The following STK32B variants were observed in gnomAD, a reference collection of about 807,000 sequenced individuals.
STK32B encodes the protein serine/threonine kinase 32B, also known as serine/threonine-protein kinase 32B.
A neutral mutation model predicts 52.6 loss-of-function variants in STK32B; 43 were observed. That is an observed-to-expected ratio of 0.82 (90% CI 0.64 to 1.05). The LOEUF is 1.05. Among genes scored for constraint, STK32B ranks in the 50% least tolerant of loss-of-function variants. STK32B has a pLI of 0.00. For synonymous variants in STK32B, 238 were observed against 204.3 expected, an observed-to-expected ratio of 1.17 and a Z score of -1.41; for missense variants, 621 against 534.6, an observed-to-expected ratio of 1.16 and a Z score of -1.59.
At chr4:5,274,060 T>C (rs1727634750) in intron 3 of STK32B, among the ~76,000 whole-genome samples, 1 of 152,160 alleles carries the variant, frequency 6.6e-6, no homozygotes, top group African/African-American at 2.4e-5. Flanking sequence ...GTCAGTTCTT[T>C]GCAAATTTAT....
chr4:5,267,919 G>A (rs1326625926), intron 3 of STK32B, among the ~76,000 whole-genome samples: 4 of 152,204 alleles, frequency 2.6e-5, no homozygotes, highest in Admixed American at 2.6e-4. Context: ...TTGGGGGATA[G>A]AGAGTAGGGA....
At chr4:5,211,302 A>G (rs1395741210) in intron 3 of STK32B, among the ~76,000 whole-genome samples, 1 of 152,182 alleles carries the variant, frequency 6.6e-6, no homozygotes, top group East Asian at 1.9e-4. Context: ...TAAGAAGACA[A>G]GGCCTTCCTG....
intron 1 of STK32B, among the ~76,000 whole-genome samples, chr4:5,077,628 G>T (rs1560139600): frequency 6.6e-6 from 1 of 152,054 alleles, no homozygotes; most frequent in Non-Finnish European, 1.5e-5. Context: ...AAGGTTAGAT[G>T]CTCAAAATAC....
At chr4:5,339,732 C>G (rs1732950788) in intron 4 of STK32B, among the ~76,000 whole-genome samples, 1 of 152,190 alleles carries the variant, frequency 6.6e-6, no homozygotes, top group African/African-American at 2.4e-5. Flanking sequence ...GGCTACTAAA[C>G]TCTGCTCAAC....
chr4:5,491,258 T>C (rs1719706948), intron 11 of STK32B, among the ~76,000 whole-genome samples: 2 of 152,226 alleles, frequency 1.3e-5, no homozygotes, highest in African/African-American at 4.8e-5. Flanking sequence ...TTTTTAATGA[T>C]TGCCATTCTA....
intron 4 of STK32B, among the ~76,000 whole-genome samples, chr4:5,365,686 A>G (rs950606571): frequency 2.6e-5 from 4 of 152,214 alleles, no homozygotes; most frequent in African/African-American, 9.6e-5. Flanking sequence ...AGCAGGTGGC[A>G]TTCTCAACAT....
chr4:5,184,695 A>AAAAAAAAAAAGAAGAAG (rs58321341), intron 3 of STK32B, among the ~76,000 whole-genome samples: 1 of 137,560 alleles, frequency 7.3e-6, no homozygotes, highest in Non-Finnish European at 1.5e-5. Context: ...AAAAAAAAAA[A>AAAAAAAAAAAGAAGAAG]AAGAAGAAGA....
intron 3 of STK32B, among the ~76,000 whole-genome samples, chr4:5,219,103 G>A (rs1313847001): frequency 1.3e-5 from 2 of 152,250 alleles, no homozygotes; most frequent in East Asian, 3.9e-4. Flanking sequence ...TGTGAATGCT[G>A]CGTCTTTTTT....
intron 3 of STK32B, among the ~76,000 whole-genome samples, chr4:5,300,533 C>G (rs550564192): frequency 4.6e-5 from 7 of 152,206 alleles, no homozygotes; most frequent in African/African-American, 1.7e-4. Flanking sequence ...TTAGAAAACC[C>G]TAAAGATTCT....
intron 2 of STK32B, among the ~76,000 whole-genome samples, chr4:5,162,061 C>A (rs1288789177): frequency 6.6e-6 from 1 of 152,086 alleles, no homozygotes; most frequent in Non-Finnish European, 1.5e-5. Flanking sequence ...GCCCAGTAAG[C>A]AAGATGAGAA....
At chr4:5,359,860 G>A (rs1406120484) in intron 4 of STK32B, among the ~76,000 whole-genome samples, 2 of 152,194 alleles carry the variant, frequency 1.3e-5, no homozygotes, top group Non-Finnish European at 2.9e-5. Context: ...GGAAAGGTGA[G>A]ACATGAGGTA....
intron 4 of STK32B, among the ~76,000 whole-genome samples, chr4:5,388,958 A>G (rs1290069781): frequency 6.6e-6 from 1 of 152,128 alleles, no homozygotes; most frequent in Non-Finnish European, 1.5e-5. Context: ...GAACTGAATT[A>G]ATCATTGTCA....
chr4:5,179,709 G>T (rs1432483791), intron 3 of STK32B, among the ~76,000 whole-genome samples: 1 of 151,876 alleles, frequency 6.6e-6, no homozygotes, highest in African/African-American at 2.4e-5. Context: ...CACTACAGGG[G>T]TCAGGAGTTA....
chr4:5,434,105 T>A (rs1713823848), intron 6 of STK32B, among the ~76,000 whole-genome samples: 1 of 151,900 alleles, frequency 6.6e-6, no homozygotes, highest in Non-Finnish European at 1.5e-5. Context: ...GCAGCCAGAG[T>A]TCCCTGGTGC....
chr4:5,468,000 T>C lies in STK32B; in HGVS notation c.1042-6T>C. On this transcript the variant is annotated splice_polypyrimidine_tract_variant and splice_region_variant and intron_variant, in intron 10 of 11. Coordinates refer to ENST00000282908, the MANE Select transcript of STK32B (RefSeq NM_018401.3). The surrounding 1 kb of genome is among the most constrained non-coding windows in gnomAD (Gnocchi z 5.8). ...CATTTAGTCACCCCTCTGTGCTCTT[T>C]GACAGAATGGACACCTGCAGCACTG... is the stretch of plus-strand genomic sequence containing the variant. 6.2e-7 allele frequency: 1 copy of C among 1,614,120 alleles called. No individual in the cohort carries two copies. The highest frequency in any genetic ancestry group is 8.5e-7 in the Non-Finnish European group (1 of 1,179,972).
intron 3 of STK32B, among the ~76,000 whole-genome samples, chr4:5,294,721 G>C (rs1340201985): frequency 6.6e-6 from 1 of 152,134 alleles, no homozygotes; most frequent in Non-Finnish European, 1.5e-5. Flanking sequence ...TCTGCAAACA[G>C]AGACAATTTG....
chr4:5,207,445 A>G (rs917845720), intron 3 of STK32B, among the ~76,000 whole-genome samples: 2 of 151,946 alleles, frequency 1.3e-5, no homozygotes, highest in African/African-American at 4.8e-5. Context: ...ACCATGTAAG[A>G]CGTGACTTTG....
At chr4:5,102,617 C>T (rs945979310) in intron 1 of STK32B, among the ~76,000 whole-genome samples, 10 of 151,516 alleles carry the variant, frequency 6.6e-5, no homozygotes, top group East Asian at 1.9e-4. Flanking sequence ...CTGCAACCTC[C>T]GCCTCCCGAG....
intron 4 of STK32B, among the ~76,000 whole-genome samples, chr4:5,382,634 C>G (rs1381705727): frequency 6.6e-6 from 1 of 152,146 alleles, no homozygotes; most frequent in African/African-American, 2.4e-5. Context: ...CTTTTATTCC[C>G]AGTCTCAGTT....
Sources: allele counts gnomAD v4.1 joint callset (sites outside exome capture counted in the v4.1 genomes callset), GRCh38; gene constraint gnomAD v4.1.1; non-coding constraint Gnocchi (gnomAD v3.1); transcripts MANE v1.5; gene names NCBI Gene and HGNC (gene_info 2026-07-23, HGNC 2026-07-21).